The following TJP1 variants were observed in gnomAD, a reference collection of about 807,000 sequenced individuals.
TJP1 encodes tight junction protein ZO-1.
Under a neutral mutation model 194.2 loss-of-function variants are expected in TJP1, and 43 were observed. The observed-to-expected ratio is 0.22, with a 90% confidence interval of 0.17 to 0.29. TJP1 has a LOEUF of 0.29. Ranked by LOEUF, TJP1 falls within the 10% of genes least tolerant of loss-of-function variation. The probability of loss-of-function intolerance (pLI) is 1.00; values close to 1 mark genes in which losing one functional copy is unlikely to be tolerated. For synonymous variants in TJP1, 801 were observed against 779.0 expected (o/e 1.03, Z -0.47); for missense variants, 1,971 against 2,185.7 (o/e 0.90, Z 1.96).
At chr15:29,834,522 A>T (rs183253892) in intron 2 of TJP1, among the ~76,000 whole-genome samples, 202 of 152,346 alleles carry the variant, frequency 1.3e-3, no homozygotes, top group Middle Eastern at 6.8e-3. Context: ...AGCCGGCCTG[A>T]GATGTTTTAT....
chr15:29,718,156 C>T, intron 21 of TJP1, 38 bp from the exon 22 acceptor site: 4 of 1,573,096 alleles, frequency 2.5e-6, no homozygotes, highest in Admixed American at 1.9e-5. Context: ...ACAAATATGC[C>T]TAAGGAACAG....
rs56271015 is a variant in TJP1, at chr15:29,906,195, G to A, written c.306+50037C>T. On this transcript the variant is annotated intron_variant, in intron 2 of 28. Transcript: ENST00000356107. The stretch of plus-strand genomic sequence containing the variant: ...CTGCTCTTAAAAATAAAGTTAGGCC[G>A]GGCGCGGTGGCTCACGCCTATAATC... 5.9e-3 allele frequency among the ~76,000 whole-genome samples: 904 copies of A among 152,142 alleles called. 4 individuals are homozygous for A. Among genetic ancestry groups the A allele is most frequent in the African/African-American group, 0.021 (862 of 41,516 alleles).
intron 2 of TJP1, chr15:29,956,088 G>A (rs1444396560): frequency 1.7e-6 from 1 of 588,026 alleles, no homozygotes; most frequent in Non-Finnish European, 2.4e-6. Flanking sequence ...AAAACATTCT[G>A]GTTGGTAAAC....
intron 8 of TJP1, among the ~76,000 whole-genome samples, chr15:29,757,813 A>G (rs1289836091): frequency 1.3e-5 from 2 of 152,224 alleles, no homozygotes. Context: ...TAAAAACAAA[A>G]AAATACAGTT....
At chr15:29,967,360 A>C (rs1437889486) in intron 1 of TJP1, among the ~76,000 whole-genome samples, 1 of 151,626 alleles carries the variant, frequency 6.6e-6, no homozygotes, top group Non-Finnish European at 1.5e-5. Context: ...TTGCAGAATA[A>C]ATTTATTTAA....
intron 2 of TJP1, among the ~76,000 whole-genome samples, chr15:29,923,318 C>A (rs2054424744): frequency 6.6e-6 from 1 of 152,162 alleles, no homozygotes; most frequent in South Asian, 2.1e-4. Flanking sequence ...CTGCTACAGT[C>A]ACTGAAAATG....
intron 2 of TJP1, among the ~76,000 whole-genome samples, chr15:29,864,525 C>T (rs187439936): frequency 6.6e-6 from 1 of 152,208 alleles, no homozygotes; most frequent in East Asian, 1.9e-4. Flanking sequence ...GGTTTCCTAC[C>T]GTCAACACTG....
chr15:29,777,120 T>C (rs1203704931), intron 2 of TJP1, among the ~76,000 whole-genome samples: 2 of 152,188 alleles, frequency 1.3e-5, no homozygotes, highest in Non-Finnish European at 2.9e-5. Flanking sequence ...CCTGTTTGCA[T>C]ACCTAGACTA....
At chr15:29,747,184 T>C (rs888271021) in intron 8 of TJP1, among the ~76,000 whole-genome samples, 12 of 151,676 alleles carry the variant, frequency 7.9e-5, no homozygotes, top group African/African-American at 1.7e-4. Flanking sequence ...ACTTCGGAGG[T>C]TGAGGCACAA....
At chr15:29,849,812 T>G (rs2051571139) in intron 2 of TJP1, among the ~76,000 whole-genome samples, 1 of 151,366 alleles carries the variant, frequency 6.6e-6, no homozygotes, top group Non-Finnish European at 1.5e-5. Flanking sequence ...TGGGCTTAAG[T>G]GATCCACCTA....
At position 29,941,372 on chromosome 15, in the gene TJP1, C is replaced by T. The variant is rs79316768; in HGVS notation, c.306+14860G>A. On this transcript the variant is annotated intron_variant, in intron 2 of 28. Coordinates refer to the TJP1 transcript ENST00000356107. ...TCCTCTCTCTGTTCACAAAACCATC[C>T]TAGCAGTAAAATCCTTTTTCCCAAA... 3.8e-3 allele frequency among the ~76,000 whole-genome samples: 579 copies of T among 152,334 alleles called. 6 individuals are homozygous for T. The highest frequency in any genetic ancestry group is 0.013 in the African/African-American group (554 of 41,578).
chr15:29,832,147 G>C (rs1275036834), intron 2 of TJP1, among the ~76,000 whole-genome samples: 2 of 152,108 alleles, frequency 1.3e-5, no homozygotes, highest in Non-Finnish European at 2.9e-5. Flanking sequence ...TCAGCAGTGA[G>C]AACTGCTTTA....
At chr15:29,883,997 T>G (rs1308165369) in intron 2 of TJP1, among the ~76,000 whole-genome samples, 1 of 152,142 alleles carries the variant, frequency 6.6e-6, no homozygotes, top group Non-Finnish European at 1.5e-5. Context: ...AGGTAAAAAT[T>G]CCCAGGAAAA....
At chr15:29,900,394 G>T (rs1254033297) in intron 2 of TJP1, among the ~76,000 whole-genome samples, 2 of 152,180 alleles carry the variant, frequency 1.3e-5, no homozygotes, top group Admixed American at 6.5e-5. Context: ...GGTTCTCTGA[G>T]GGGTGCAGTG....
chr15:29,784,554 G>T lies in TJP1; in HGVS notation c.85-11197C>A, dbSNP rs563756891. Among the ~76,000 whole-genome samples, 3 of 152,006 alleles carry T rather than the reference G, an allele frequency of 2.0e-5. No individual in the cohort carries two copies. The East Asian group carries it at 5.8e-4, about 29-fold the overall frequency. Reference sequence around the variant, plus strand: ...CCTGACCTCAGGTGATCCATCCCCGGCTTCCAAAGTGTTGGGATTACAGGC... The same window carrying T: ...CCTGACCTCAGGTGATCCATCCCCGTCTTCCAAAGTGTTGGGATTACAGGC... On this transcript the variant is annotated intron_variant, in intron 2 of 27. Transcript: ENST00000614355.
At chr15:29,754,157 G>C (rs1470928235) in intron 8 of TJP1, among the ~76,000 whole-genome samples, 2 of 152,158 alleles carry the variant, frequency 1.3e-5, no homozygotes, top group Non-Finnish European at 2.9e-5. Flanking sequence ...AGTGGATAAA[G>C]AAAATGTGGT....
chr15:29,939,894 A>T (rs1469272346), intron 2 of TJP1, among the ~76,000 whole-genome samples: 1 of 152,140 alleles, frequency 6.6e-6, no homozygotes, highest in Non-Finnish European at 1.5e-5. Flanking sequence ...CAGACTCCAG[A>T]ACCATGAGAA....
In TJP1 at chr15:29,761,432, A is replaced by T. The variant is rs553478762; in HGVS notation, c.863-146T>A. 30 of 1,288,296 alleles carry T rather than the reference A, an allele frequency of 2.3e-5. No homozygotes were observed. In the East Asian group the frequency reaches 7.4e-4, roughly 32 times the overall value. 79.8% of individuals were successfully genotyped at this position (1,288,296 alleles called of 1,614,324 possible). ...GCATTAATTTCACCTGCCAGCAATC[A>T]TATCAATAGTGGTGAGTTGTCTACA... On this transcript the variant is annotated intron_variant, in intron 7 of 27. Transcript: ENST00000614355.
At position 29,773,271 on chromosome 15, in the gene TJP1, T is replaced by A; in HGVS notation, c.171A>T (p.Ser57=). The change falls in exon 3 of 28, where the codon TCA becomes TCT. Residue 57 remains serine, a synonymous_variant. Coordinates refer to ENST00000614355, the MANE Select transcript of TJP1 (RefSeq NM_001330239.4). ...FQSGETSIVI[S]DVLKGGPAEG... is the part of the protein sequence containing the mutation. Reference sequence around the variant, plus strand: ...CAGCTGGTCCTCCTTTCAGCACATCTGAAATCACTATTGACGTTTCCCCAC... The same window carrying A: ...CAGCTGGTCCTCCTTTCAGCACATCAGAAATCACTATTGACGTTTCCCCAC... 6.2e-7 allele frequency: 1 copy of A among 1,614,070 alleles called. No individual in the cohort carries two copies. The highest frequency in any genetic ancestry group is 8.5e-7 in the Non-Finnish European group (1 of 1,179,952).
Sources: gnomAD v4.1 joint callset for allele counts (sites outside exome capture counted in the v4.1 genomes callset) on GRCh38, gnomAD v4.1.1 for gene constraint, MANE v1.5 for transcripts, NCBI Gene and HGNC (gene_info 2026-07-23, HGNC 2026-07-21) for gene names.